PKHD1: variants seen among roughly 807,000 people sequenced by gnomAD.
PKHD1 encodes the protein fibrocystin.
Under a neutral mutation model 412.0 loss-of-function variants are expected in PKHD1, and 291 were observed. The observed-to-expected ratio is 0.71, with a 90% CI of 0.64 to 0.78. The LOEUF is 0.78. Ranked by LOEUF, PKHD1 falls within the 30% of genes least tolerant of loss-of-function variation. The pLI is 0.00. For missense variants in PKHD1, 4,825 were observed against 4,950.7 expected (o/e 0.97, Z 0.76); for synonymous variants, 1,777 against 1,821.5 (o/e 0.98, Z 0.62).
chr6:51,872,020 AG>A (rs1312537939), intron 46 of PKHD1, among the ~76,000 whole-genome samples: 1 of 149,492 alleles, frequency 6.7e-6, no homozygotes, highest in East Asian at 2.0e-4. Context: ...TAGAAAAAAA[AG>A]GAAATAGGAG....
Position 51,934,319 on chromosome 6 carries a change from C to T in PKHD1, c.5912G>A (p.Gly1971Asp), listed in dbSNP as rs180675584. 176 of 1,609,084 alleles carry T rather than the reference C, an allele frequency of 1.1e-4. No homozygotes were observed. Among genetic ancestry groups the T allele is most frequent in the Non-Finnish European group, 1.4e-4 (170 of 1,176,916 alleles). ...TCCTGGGGCCATGAAAATCAGCTTG[C>T]CCCCTAATGGACAAAGGGAAAATTG... is the stretch of plus-strand genomic sequence containing the variant. ...SILNLLHIKG[G>D]KLIFMAPGPI... The change falls in exon 37 of 67, where the codon GGC becomes GAC. Residue 1971 changes from glycine (G) to aspartate (D), a missense_variant. Transcript: ENST00000371117.
At chr6:51,854,203 G>T (rs1772857920) in intron 49 of PKHD1, among the ~76,000 whole-genome samples, 1 of 151,948 alleles carries the variant, frequency 6.6e-6, no homozygotes. Flanking sequence ...GGCTGCTGCA[G>T]TTTGCTGGGG....
At chr6:51,827,841 G>A (rs1482812290) in intron 52 of PKHD1, among the ~76,000 whole-genome samples, 1 of 152,056 alleles carries the variant, frequency 6.6e-6, no homozygotes, top group African/African-American at 2.4e-5. Context: ...AAACTGAACT[G>A]GAAAGGGGTG....
chr6:51,635,479 C>A (rs551703198), intron 64 of PKHD1, among the ~76,000 whole-genome samples: 137 of 152,176 alleles, frequency 9.0e-4, no homozygotes, highest in Non-Finnish European at 1.3e-3. Flanking sequence ...AGCTATGATG[C>A]ACCAGGCTTT....
chr6:51,890,378 C>T (rs954535703), intron 43 of PKHD1, among the ~76,000 whole-genome samples: 4 of 151,354 alleles, frequency 2.6e-5, no homozygotes, highest in African/African-American at 7.3e-5. Context: ...CACCCGGTCA[C>T]GGACAGAACA....
At chr6:52,029,978 C>T (rs1425006893) in intron 29 of PKHD1, among the ~76,000 whole-genome samples, 2 of 152,182 alleles carry the variant, frequency 1.3e-5, no homozygotes, top group Admixed American at 6.5e-5. Flanking sequence ...ATCAAGTAGA[C>T]CAAATCAAGT....
At chr6:51,987,793 G>C (rs904540520) in intron 35 of PKHD1, among the ~76,000 whole-genome samples, 14 of 150,132 alleles carry the variant, frequency 9.3e-5, no homozygotes, top group African/African-American at 2.7e-4. Flanking sequence ...TTCTCCAGAA[G>C]ACCCTCAAGT....
chr6:51,891,288 T>C (rs1779080084), intron 43 of PKHD1, among the ~76,000 whole-genome samples: 1 of 152,164 alleles, frequency 6.6e-6, no homozygotes, highest in Admixed American at 6.5e-5. Context: ...TTTGTTTGTT[T>C]TCTTTTTTGA....
At chr6:52,067,064 A>G (rs1344756563) in intron 11 of PKHD1, among the ~76,000 whole-genome samples, 1 of 152,168 alleles carries the variant, frequency 6.6e-6, no homozygotes, top group Non-Finnish European at 1.5e-5. Context: ...ATTTTGTGTA[A>G]ACTGAAGGTA....
chr6:51,682,030 C>T (rs918414482), intron 60 of PKHD1, among the ~76,000 whole-genome samples: 29 of 152,004 alleles, frequency 1.9e-4, no homozygotes, highest in Non-Finnish European at 1.5e-5. Context: ...CAAAGATGGA[C>T]AAGAAGTACA....
At chr6:51,896,612 C>T (rs1410370774) in intron 43 of PKHD1, among the ~76,000 whole-genome samples, 1 of 152,110 alleles carries the variant, frequency 6.6e-6, no homozygotes, top group Non-Finnish European at 1.5e-5. Context: ...AGCACCTCTC[C>T]TCCTCCAAAG....
At chr6:51,831,510 T>A (rs1768245009) in intron 51 of PKHD1, among the ~76,000 whole-genome samples, 1 of 152,200 alleles carries the variant, frequency 6.6e-6, no homozygotes, top group Non-Finnish European at 1.5e-5. Flanking sequence ...TAAAAATCCA[T>A]AATTAATTCC....
intron 48 of PKHD1, among the ~76,000 whole-genome samples, chr6:51,857,649 T>G (rs1391592490): frequency 6.6e-6 from 1 of 152,240 alleles, no homozygotes; most frequent in Non-Finnish European, 1.5e-5. Flanking sequence ...CAATAACATC[T>G]ACTTAGGTCT....
chr6:51,691,796 C>T (rs1343475005), intron 60 of PKHD1, among the ~76,000 whole-genome samples: 1 of 152,124 alleles, frequency 6.6e-6, no homozygotes, highest in Admixed American at 6.6e-5. Flanking sequence ...ACTTGTACCC[C>T]TGAGCTTAAA....
intron 48 of PKHD1, among the ~76,000 whole-genome samples, chr6:51,862,128 T>C (rs1485926714): frequency 6.6e-6 from 1 of 152,216 alleles, no homozygotes; most frequent in African/African-American, 2.4e-5. Context: ...TGACTGACAC[T>C]GGCTGGCAGA....
intron 60 of PKHD1, among the ~76,000 whole-genome samples, chr6:51,740,338 T>C (rs1485495583): frequency 6.6e-6 from 1 of 152,208 alleles, no homozygotes; most frequent in Non-Finnish European, 1.5e-5. Context: ...GACCTGTGGA[T>C]ATCTGTCTGG....
At chr6:51,769,932 T>G (rs1789784619) in intron 55 of PKHD1, among the ~76,000 whole-genome samples, 1 of 151,676 alleles carries the variant, frequency 6.6e-6, no homozygotes. Context: ...CCTTTTTTCT[T>G]GTAAGAAATT....
intron 60 of PKHD1, among the ~76,000 whole-genome samples, chr6:51,692,195 C>G (rs1449680911): frequency 6.6e-6 from 1 of 151,696 alleles, no homozygotes; most frequent in East Asian, 1.9e-4. Flanking sequence ...CTTGGCAAAG[C>G]TATGTATCCA....
At chr6:52,023,541 T>C (rs1028295994) in intron 32 of PKHD1, among the ~76,000 whole-genome samples, 8 of 152,220 alleles carry the variant, frequency 5.3e-5, no homozygotes, top group Admixed American at 6.5e-5. Context: ...TTTTCTCCTC[T>C]TTTGCTATTG....
Sources: allele counts gnomAD v4.1 joint callset (sites outside exome capture counted in the v4.1 genomes callset), GRCh38; gene constraint gnomAD v4.1.1; transcripts MANE v1.5; gene names NCBI Gene and HGNC (gene_info 2026-07-23, HGNC 2026-07-21).